ABCB1: variants seen among roughly 807,000 people sequenced by gnomAD.
ABCB1 encodes ATP binding cassette subfamily B member 1, also known as ATP-dependent translocase ABCB1.
ABCB1 carries 69 observed loss-of-function variants against 142.0 expected under a neutral mutation model. That is an observed-to-expected ratio of 0.49 (90% CI 0.40 to 0.59). ABCB1 has a LOEUF of 0.59. Among genes scored for constraint, ABCB1 ranks in the 20% least tolerant of loss-of-function variants. ABCB1 has a pLI of 0.00. For missense variants in ABCB1, 1,326 were observed against 1,554.7 expected (o/e 0.85, Z 2.47); for synonymous variants, 532 against 539.2 (o/e 0.99, Z 0.18).
chr7:87,506,245 G>C (rs574258798), intron 26 of ABCB1: 3 of 582,526 alleles, frequency 5.1e-6, no homozygotes, highest in Non-Finnish European at 9.1e-6. Context: ...TAAATGTTTG[G>C]GCCTTAAGAT....
chr7:87,552,333 T>A (rs947330820), intron 9 of ABCB1, among the ~76,000 whole-genome samples: 1 of 152,224 alleles, frequency 6.6e-6, no homozygotes, highest in African/African-American at 2.4e-5. Context: ...TGATTCTATA[T>A]TCATTATCTC....
At chr7:87,624,740 A>G (rs1472577306) in intron 1 of ABCB1, among the ~76,000 whole-genome samples, 2 of 152,196 alleles carry the variant, frequency 1.3e-5, no homozygotes, top group African/African-American at 2.4e-5. Flanking sequence ...TTGATTGACA[A>G]TATCCAGATT....
intron 25 of ABCB1, among the ~76,000 whole-genome samples, chr7:87,514,747 C>T (rs910731860): frequency 6.6e-6 from 1 of 152,216 alleles, no homozygotes; most frequent in African/African-American, 2.4e-5. Flanking sequence ...CCTACCATCA[C>T]TACTTCACTA....
intron 2 of ABCB1, among the ~76,000 whole-genome samples, chr7:87,599,334 T>C (rs1819345368): frequency 6.6e-6 from 1 of 152,206 alleles, no homozygotes; most frequent in Non-Finnish European, 1.5e-5. Context: ...TTACCAATAT[T>C]ATATACAGAT....
intron 14 of ABCB1, 49 bp from the exon 15 acceptor site, chr7:87,546,073 G>C (rs200471694): frequency 1.9e-6 from 3 of 1,580,040 alleles, no homozygotes; most frequent in South Asian, 2.2e-5. Flanking sequence ...ATTACCTGAA[G>C]AAACTTAACC....
At chr7:87,658,923 A>G (rs961847570) in intron 1 of ABCB1, among the ~76,000 whole-genome samples, 2 of 152,178 alleles carry the variant, frequency 1.3e-5, no homozygotes, top group Non-Finnish European at 2.9e-5. Context: ...AGGCCAAAGC[A>G]AGCGGATCAC....
intron 1 of ABCB1, among the ~76,000 whole-genome samples, chr7:87,692,412 G>A (rs1014186759): frequency 4.6e-5 from 7 of 152,178 alleles, no homozygotes; most frequent in Non-Finnish European, 1.0e-4. Flanking sequence ...AGCTATGAAT[G>A]CATCACTGAG....
chr7:87,687,287 T>C (rs544707161), intron 1 of ABCB1, among the ~76,000 whole-genome samples: 1 of 152,288 alleles, frequency 6.6e-6, no homozygotes, highest in Admixed American at 6.5e-5. Context: ...ACTGGCTGTT[T>C]ACTGTGTAAG....
In ABCB1 at chr7:87,551,840, G is replaced by GT. The variant is rs201203910; in HGVS notation, c.1000-1003dup. Among the ~76,000 whole-genome samples, 1,123 of 149,776 alleles carry GT rather than the reference G, an allele frequency of 7.5e-3. 6 individuals carry two copies. The highest frequency in any genetic ancestry group is 0.014 in the African/African-American group (587 of 40,954). ...TATTTTTATATTTCTTCAATGTCTA[G>GT]TTTTTTTTTTATTTAGATCATCAGT... On this transcript the variant is annotated intron_variant, in intron 9 of 27. Transcript: ENST00000622132.
chr7:87,662,143 G>A (rs1318141723), intron 1 of ABCB1, among the ~76,000 whole-genome samples: 1 of 151,808 alleles, frequency 6.6e-6, no homozygotes, highest in Non-Finnish European at 1.5e-5. Flanking sequence ...TATATATTCT[G>A]CTTATTAATC....
At chr7:87,548,827 G>A (rs28381904) in intron 14 of ABCB1, among the ~76,000 whole-genome samples, 5 of 152,170 alleles carry the variant, frequency 3.3e-5, no homozygotes, top group African/African-American at 1.2e-4. Context: ...TCAATAACCT[G>A]TCATGGCTTA....
At chr7:87,553,676 T>C in intron 9 of ABCB1, 85 bp downstream of exon 9, 6 of 1,427,670 alleles carry the variant, frequency 4.2e-6, no homozygotes, top group South Asian at 2.3e-5. Flanking sequence ...TTGTTCAAAA[T>C]ATATTCTTCT....
At chr7:87,591,953 A>G (rs1043461802) in intron 3 of ABCB1, among the ~76,000 whole-genome samples, 2 of 152,222 alleles carry the variant, frequency 1.3e-5, no homozygotes, top group African/African-American at 4.8e-5. Flanking sequence ...AAACCGTGAC[A>G]TAACAGAAGC....
At chr7:87,681,559 C>A (rs374624139) in intron 1 of ABCB1, among the ~76,000 whole-genome samples, 1 of 150,666 alleles carries the variant, frequency 6.6e-6, no homozygotes, top group East Asian at 2.0e-4. Context: ...AATGTACATA[C>A]CCTAATTAAA....
intron 1 of ABCB1, among the ~76,000 whole-genome samples, chr7:87,674,485 G>A (rs1046550449): frequency 3.3e-5 from 5 of 152,066 alleles, no homozygotes; most frequent in Non-Finnish European, 7.4e-5. Context: ...AGGGTGTCAG[G>A]GTGCACACAC....
intron 1 of ABCB1, among the ~76,000 whole-genome samples, chr7:87,634,338 T>C (rs189370755): frequency 6.6e-6 from 1 of 152,224 alleles, no homozygotes; most frequent in East Asian, 1.9e-4. Flanking sequence ...TTTAAATTTG[T>C]TGGCTGGGTG....
chr7:87,510,808 G>A (rs1162932859), intron 25 of ABCB1, among the ~76,000 whole-genome samples: 1 of 152,136 alleles, frequency 6.6e-6, no homozygotes, highest in South Asian at 2.1e-4. Context: ...TTCCACACAT[G>A]TATGCTCCAG....
In ABCB1 at chr7:87,503,683, A is replaced by G. The variant is rs1447714200; in HGVS notation, c.*560T>C. Reference sequence around the variant, plus strand: ...TCAAGTCCAAGAAGAATGAAGCCAGATGGTTCTGTAAGACCCAATGTGAAT... The same window carrying G: ...TCAAGTCCAAGAAGAATGAAGCCAGGTGGTTCTGTAAGACCCAATGTGAAT... On this transcript the variant is annotated 3_prime_UTR_variant, in exon 28 of 28. Coordinates refer to ENST00000622132, the MANE Select transcript of ABCB1 (RefSeq NM_001348946.2). 1 of 160,190 alleles carries G rather than the reference A, an allele frequency of 6.2e-6. No homozygotes were observed. The allele number at this position is 160,190 out of a possible 1,614,324, so 9.9% of individuals were successfully genotyped here.
chr7:87,536,896 G>C (rs1297297803), intron 19 of ABCB1: 1 of 298,554 alleles, frequency 3.3e-6, no homozygotes, highest in Non-Finnish European at 6.4e-6. Context: ...GTGAGGGGAG[G>C]TGCTATTTTA....
Sources: allele counts gnomAD v4.1 joint callset (sites outside exome capture counted in the v4.1 genomes callset), GRCh38; gene constraint gnomAD v4.1.1; transcripts MANE v1.5; gene names NCBI Gene and HGNC (gene_info 2026-07-23, HGNC 2026-07-21).